The following KLC2 variants were observed in gnomAD, a reference collection of about 807,000 sequenced individuals.
KLC2 encodes the protein KLC 2.
Under a neutral mutation model 75.1 loss-of-function variants are expected in KLC2, and 35 were observed. The observed-to-expected ratio is 0.47, with a 90% CI of 0.36 to 0.62. KLC2 has a LOEUF of 0.62. KLC2 is among the 20% of genes least tolerant of loss of function. The pLI is 0.00. For synonymous variants in KLC2, 314 were observed against 336.7 expected (o/e 0.93, Z 0.74); for missense variants, 611 against 833.2 (o/e 0.73, Z 3.28).
chr11:66,252,490 C>T (rs1212413306), upstream of KLC2, among the ~76,000 whole-genome samples: 1 of 103,148 alleles, frequency 9.7e-6, no homozygotes, highest in Non-Finnish European at 2.5e-5. Flanking sequence ...GTCTCGATTT[C>T]CTGACCTCGT....
In KLC2 at chr11:66,264,191, C is replaced by A. The variant is rs868367442; in HGVS notation, c.1088C>A (p.Pro363His). The change falls in exon 8 of 16, where the codon CCC becomes CAC. Residue 363 changes from proline (P) to histidine (H), a missense_variant. By Grantham distance (77) the Pro-to-His change is moderately conservative. Transcript: ENST00000394067. ...GCTACACGCCTCGGGCCCGATGACC[C>A]CAATGTGGCCAAGACCAAGAACAAC... ...IYATRLGPDD[P>H]NVAKTKNNLA... 6.4e-7 allele frequency: 1 copy of A among 1,569,734 alleles called. No individual in the cohort carries two copies. Among genetic ancestry groups the A allele is most frequent in the East Asian group, 2.3e-5 (1 of 42,588 alleles).
chr11:66,266,726 C>T, intron 15 of KLC2, 147 bp from the exon 16 acceptor site: 1 of 891,818 alleles, frequency 1.1e-6, no homozygotes, highest in Non-Finnish European at 1.8e-6. Context: ...TGTCAGGGCA[C>T]CAGGGTGTGG....
chr11:66,259,326 C>T (rs202144878), intron 2 of KLC2, among the ~76,000 whole-genome samples: 1 of 152,206 alleles, frequency 6.6e-6, no homozygotes, highest in Non-Finnish European at 1.5e-5. Context: ...CTCGCAGCAG[C>T]GAGTCTTGTC....
chr11:66,260,614 T>C (rs1001143410), intron 2 of KLC2, among the ~76,000 whole-genome samples: 1 of 152,138 alleles, frequency 6.6e-6, no homozygotes, highest in African/African-American at 2.4e-5. Flanking sequence ...TCTTTTTTTT[T>C]TTGAGACAGT....
At chr11:66,260,193 G>A (rs1393936738) in intron 2 of KLC2, among the ~76,000 whole-genome samples, 2 of 151,286 alleles carry the variant, frequency 1.3e-5, no homozygotes, top group Admixed American at 1.3e-4. Context: ...AAAGCTAGTG[G>A]TTATGGAAAC....
chr11:66,262,254 A>G (rs886184002), intron 4 of KLC2, 62 bp downstream of exon 4: 1 of 1,343,008 alleles, frequency 7.4e-7, no homozygotes, highest in African/African-American at 1.4e-5. Context: ...GGTCCTTGGG[A>G]CCGAGTGGCT....
chr11:66,266,758 G>T (rs540284792), intron 15 of KLC2, 115 bp from the exon 16 acceptor site: 2 of 1,110,494 alleles, frequency 1.8e-6, no homozygotes, highest in South Asian at 2.5e-5. Flanking sequence ...AACTGCCATT[G>T]CCTCTGCCCA....
chr11:66,266,293 A>C, intron 14 of KLC2, 76 bp downstream of exon 14: 6 of 1,528,590 alleles, frequency 3.9e-6, no homozygotes, highest in Non-Finnish European at 4.4e-6. Flanking sequence ...AGTGTGCCCC[A>C]CTGACCCCAG....
rs748923427 is a variant in KLC2, at chr11:66,258,804, T to TGGGCTGGGGGAGGCCCAGGTAGGTC, written c.211_228+7dup. 9 of 1,611,474 alleles carry TGGGCTGGGGGAGGCCCAGGTAGGTC rather than the reference T, an allele frequency of 5.6e-6. No individual in the cohort carries two copies. Among genetic ancestry groups the TGGGCTGGGGGAGGCCCAGGTAGGTC allele is most frequent in the Non-Finnish European group, 7.6e-6 (9 of 1,178,780 alleles). On this transcript the variant is annotated frameshift_variant, in exon 2 of 16. Transcript: ENST00000394067. LOFTEE classifies it high-confidence loss of function. ...GTCGCTCCCTGGAAGCCATTGAGCTTGGGCTGGGGGAGGCCCAGGTAGGTC... is the reference window on the plus strand; with the variant it reads ...GTCGCTCCCTGGAAGCCATTGAGCTTGGGCTGGGGGAGGCCCAGGTAGGTCGGGCTGGGGGAGGCCCAGGTAGGTC...
chr11:66,254,431 C>T (rs746767980), upstream of KLC2, among the ~76,000 whole-genome samples: 3 of 151,938 alleles, frequency 2.0e-5, no homozygotes, highest in Non-Finnish European at 2.9e-5. Flanking sequence ...TTTGGGAGGC[C>T]GAGGTGGGAT....
At position 66,265,145 on chromosome 11, in the gene KLC2, C is replaced by T. The variant is rs570310203; in HGVS notation, c.1267-23C>T. 1.3e-5 allele frequency: 21 copies of T among 1,612,336 alleles called. No homozygotes were observed. The South Asian group carries it at 1.9e-4, about 14-fold the overall frequency. ...TGCAGAGGGGGGCCTGCTCTCACTTCTTGTGACCATTCTTTCCTCCAGGAT... is the reference window on the plus strand; with the variant it reads ...TGCAGAGGGGGGCCTGCTCTCACTTTTTGTGACCATTCTTTCCTCCAGGAT... On this transcript the variant is annotated intron_variant, in intron 10 of 15. Coordinates refer to ENST00000394067, the MANE Select transcript of KLC2 (RefSeq NM_001318734.2).
At chr11:66,255,772 T>G (rs1381133769), upstream of KLC2, among the ~76,000 whole-genome samples, 2 of 89,842 alleles carry the variant, frequency 2.2e-5, no homozygotes, top group Non-Finnish European at 4.4e-5. Context: ...TTTTTTTTAG[T>G]TTTTTTTTTT....
chr11:66,266,800 A>G, intron 15 of KLC2, 73 bp from the exon 16 acceptor site: 1 of 1,500,032 alleles, frequency 6.7e-7, no homozygotes, highest in Non-Finnish European at 9.3e-7. Flanking sequence ...CTGCCAGGTC[A>G]GACCCCTTCA....
chr11:66,267,314 G>A lies in KLC2; in HGVS notation c.*358G>A. The A allele has an allele frequency of 1.2e-6, 1 of 847,866 alleles. No individual in the cohort carries two copies. The highest frequency in any genetic ancestry group is 2.6e-5 in the East Asian group (1 of 37,790). The allele number at this position is 847,866 out of a possible 1,614,324, so 52.5% of individuals were successfully genotyped here. A position where few individuals can be genotyped will look rare whatever the true frequency, so the allele number is the denominator to read the frequency against. ...CTTCGGCACCCTCGCCCTCCCTCCC[G>A]ACTCAACCCGGCCGTTGCTTCTGTA... On this transcript the variant is annotated 3_prime_UTR_variant, in exon 16 of 16. Coordinates refer to ENST00000394067, the MANE Select transcript of KLC2 (RefSeq NM_001318734.2).
the KLC2 span, among the ~76,000 whole-genome samples, chr11:66,249,259 G>A: frequency 2.0e-5 from 3 of 152,182 alleles, no homozygotes; most frequent in East Asian, 1.9e-4. Context: ...GGCACATGCC[G>A]TCAACATGAC....
chr11:66,264,316 C>T (rs182218275), intron 8 of KLC2, 29 bp from the exon 9 acceptor site: 17 of 1,594,370 alleles, frequency 1.1e-5, no homozygotes, highest in Admixed American at 5.2e-5. Flanking sequence ...GCATGCATCC[C>T]GCTCACTCTC....
upstream of KLC2, among the ~76,000 whole-genome samples, chr11:66,256,780 C>CT (rs200891380): frequency 1.8e-3 from 277 of 151,454 alleles, 1 homozygote; most frequent in East Asian, 0.014. Flanking sequence ...TGATTTACAG[C>CT]TTTTTTTTTG....
Position 66,265,197 on chromosome 11 carries a change from G to A in KLC2, c.1296G>A (p.Gly432=), listed in dbSNP as rs758383163. 12 of 1,612,710 alleles carry A rather than the reference G, an allele frequency of 7.4e-6. No individual in the cohort carries two copies. The South Asian group carries it at 1.2e-4, about 16-fold the overall frequency. The part of the protein sequence containing the change: ...KDKRRDSAPY[G]EYGSWYKACK... ...AGCGCCGGGACAGCGCCCCCTATGG[G>A]GAATACGGCAGCTGGTACAAGGCCT... Residue 432 remains glycine, a synonymous_variant, in exon 11 of 16, where the codon GGG becomes GGA. Coordinates refer to ENST00000394067, the MANE Select transcript of KLC2 (RefSeq NM_001318734.2).
Position 66,264,070 on chromosome 11 carries a change from G to A in KLC2, c.967G>A (p.Val323Met). Residue 323 changes from valine to methionine, a missense_variant, in exon 8 of 16, where the codon GTG (valine) becomes ATG (methionine). Coordinates refer to ENST00000394067, the MANE Select transcript of KLC2 (RefSeq NM_001318734.2). Reference protein sequence around the residue: ...EKVLGKFHPDVAKQLSNLALL... With the variant: ...EKVLGKFHPDMAKQLSNLALL... The stretch of plus-strand genomic sequence containing the variant: ...GGTCCTGGGCAAGTTTCACCCAGAT[G>A]TGGCCAAGCAGCTCAGCAACCTGGC... 1 of 1,607,958 alleles carries A rather than the reference G, an allele frequency of 6.2e-7. No individual in the cohort carries two copies. The highest frequency in any genetic ancestry group is 1.1e-5 in the South Asian group (1 of 90,430).
Sources: allele counts gnomAD v4.1 joint callset (sites outside exome capture counted in the v4.1 genomes callset), GRCh38; gene constraint gnomAD v4.1.1; transcripts MANE v1.5; gene names NCBI Gene and HGNC (gene_info 2026-07-23, HGNC 2026-07-21).